COL25A1: variants seen among roughly 807,000 people sequenced by gnomAD.
COL25A1 encodes collagen alpha-1(XXV) chain.
Under a neutral mutation model 128.4 loss-of-function variants are expected in COL25A1, and 103 were observed. The ratio of observed to expected loss-of-function variants is 0.80; its 90% CI spans 0.68 to 0.94. The LOEUF (loss-of-function observed/expected upper bound fraction) is 0.94. Ranked by LOEUF, COL25A1 falls within the 40% of genes least tolerant of loss-of-function variation. The pLI is 0.00. For synonymous variants in COL25A1, 279 were observed against 277.2 expected (o/e 1.01, Z -0.06); for missense variants, 745 against 840.0 (o/e 0.89, Z 1.40).
At chr4:109,159,488 C>T (rs2704105) in intron 3 of COL25A1, among the ~76,000 whole-genome samples, 2 of 152,080 alleles carry the variant, frequency 1.3e-5, no homozygotes, top group South Asian at 4.1e-4. Context: ...CAGCACCACC[C>T]CTGTCCCACC....
intron 25 of COL25A1, 31 bp downstream of exon 25, chr4:108,852,871 C>A: frequency 6.3e-7 from 1 of 1,598,030 alleles, no homozygotes; most frequent in Admixed American, 1.7e-5. Flanking sequence ...TACAAAACCA[C>A]AAACCACAGA....
chr4:109,198,306 ACACAC>A (rs1776285667), intron 3 of COL25A1, among the ~76,000 whole-genome samples: 1 of 144,734 alleles, frequency 6.9e-6, no homozygotes, highest in East Asian at 1.9e-4. Flanking sequence ...ACACACACAC[ACACAC>A]ACACACACAC....
At chr4:109,184,695 G>C (rs1774978714) in intron 3 of COL25A1, among the ~76,000 whole-genome samples, 1 of 152,116 alleles carries the variant, frequency 6.6e-6, no homozygotes, top group African/African-American at 2.4e-5. Context: ...TAAAGGGAGA[G>C]ACTTCCTGAA....
At chr4:108,972,092 T>A (rs1186362369) in intron 8 of COL25A1, among the ~76,000 whole-genome samples, 1 of 152,102 alleles carries the variant, frequency 6.6e-6, no homozygotes, top group Non-Finnish European at 1.5e-5. Context: ...CTTCCAAATA[T>A]TCAAGAAAAT....
intron 3 of COL25A1, among the ~76,000 whole-genome samples, chr4:109,247,597 G>A (rs1780357945): frequency 6.6e-6 from 1 of 152,166 alleles, no homozygotes; most frequent in South Asian, 2.1e-4. Context: ...TCATAGGAAA[G>A]GAAGACCTGG....
chr4:109,137,766 G>T (rs1163397061), intron 3 of COL25A1, among the ~76,000 whole-genome samples: 1 of 152,022 alleles, frequency 6.6e-6, no homozygotes, highest in Non-Finnish European at 1.5e-5. Context: ...AATTTAGTAG[G>T]ATCTCAAAAA....
chr4:108,886,492 G>GTGTGTGTGTTTTTTTT lies in COL25A1; in HGVS notation c.976-2271_976-2270insAAAAAAAACACACACA, dbSNP rs58157157. ...TGTGTGTGTGTGTGTGTGTGTGTGT[G>GTGTGTGTGTTTTTTTT]TTTAGCTCATCAGCTATTTTATGTG... On this transcript the variant is annotated intron_variant, in intron 18 of 37. Transcript: ENST00000399132. Among the ~76,000 whole-genome samples, 5 of 109,270 alleles carry GTGTGTGTGTTTTTTTT rather than the reference G, an allele frequency of 4.6e-5. 1 individual carries two copies. The highest frequency in any genetic ancestry group is 2.7e-4 in the Admixed American group (3 of 11,128). The allele number at this position is 109,270 out of a possible 152,430, so 71.7% of individuals were successfully genotyped here.
chr4:109,070,053 G>A (rs1174263755), intron 3 of COL25A1, among the ~76,000 whole-genome samples: 2 of 150,388 alleles, frequency 1.3e-5, no homozygotes, highest in Admixed American at 6.6e-5. Context: ...TCAGGAGATC[G>A]GAACCAGCCT....
chr4:108,923,559 T>C (rs1016000302), intron 11 of COL25A1, among the ~76,000 whole-genome samples: 7 of 152,148 alleles, frequency 4.6e-5, no homozygotes, highest in African/African-American at 1.7e-4. Context: ...TTGCCCAGGC[T>C]GGTCTCAAAC....
chr4:109,157,817 G>A (rs1407247934), intron 3 of COL25A1, among the ~76,000 whole-genome samples: 6 of 152,168 alleles, frequency 3.9e-5, no homozygotes, highest in Non-Finnish European at 2.9e-5. Flanking sequence ...TCGCTGAAAC[G>A]AGACTCTAGG....
chr4:109,271,730 T>C (rs574772676), intron 3 of COL25A1, among the ~76,000 whole-genome samples: 1 of 152,346 alleles, frequency 6.6e-6, no homozygotes, highest in South Asian at 2.1e-4. Flanking sequence ...TGATTTTTCA[T>C]ACCAATGATT....
At chr4:109,005,292 C>T (rs1015048491) in intron 6 of COL25A1, among the ~76,000 whole-genome samples, 1 of 152,102 alleles carries the variant, frequency 6.6e-6, no homozygotes, top group Non-Finnish European at 1.5e-5. Context: ...AGAACAGCAC[C>T]AAGGTTGTGG....
chr4:109,170,742 A>G (rs1194954786), intron 3 of COL25A1, among the ~76,000 whole-genome samples: 1 of 152,144 alleles, frequency 6.6e-6, no homozygotes, highest in Non-Finnish European at 1.5e-5. Context: ...CTTGCAAACA[A>G]TCCTTTGCAG....
chr4:108,836,690 GATA>G (rs1310252322), intron 31 of COL25A1, among the ~76,000 whole-genome samples: 2 of 151,784 alleles, frequency 1.3e-5, no homozygotes, highest in Non-Finnish European at 2.9e-5. Flanking sequence ...ATTTTACACT[GATA>G]ATATTATATC....
At chr4:109,290,746 A>G (rs768853616) in intron 3 of COL25A1, among the ~76,000 whole-genome samples, 2 of 152,046 alleles carry the variant, frequency 1.3e-5, no homozygotes, top group Admixed American at 6.6e-5. Flanking sequence ...ATTAACATTA[A>G]TGATAGCCAA....
intron 5 of COL25A1, among the ~76,000 whole-genome samples, chr4:109,022,706 G>C (rs1757886929): frequency 6.6e-6 from 1 of 152,194 alleles, no homozygotes. Context: ...CATAGGGTAA[G>C]TGTGGATGAG....
chr4:109,091,277 C>T (rs757032964), intron 3 of COL25A1, among the ~76,000 whole-genome samples: 1 of 152,150 alleles, frequency 6.6e-6, no homozygotes, highest in Non-Finnish European at 1.5e-5. Flanking sequence ...TGCTTTTTCT[C>T]TCTGTGTTTG....
chr4:109,125,455 C>T (rs1768505927), intron 3 of COL25A1, among the ~76,000 whole-genome samples: 1 of 152,146 alleles, frequency 6.6e-6, no homozygotes, highest in Non-Finnish European at 1.5e-5. Flanking sequence ...CATGCTCACA[C>T]TGAACCAGCT....
chr4:109,239,114 T>C (rs1382666089), intron 3 of COL25A1, among the ~76,000 whole-genome samples: 1 of 151,972 alleles, frequency 6.6e-6, no homozygotes, highest in Non-Finnish European at 1.5e-5. Flanking sequence ...CATTCCATCA[T>C]TGCTAAAAGA....
Sources: allele counts gnomAD v4.1 joint callset (sites outside exome capture counted in the v4.1 genomes callset), GRCh38; gene constraint gnomAD v4.1.1; transcripts MANE v1.5; gene names NCBI Gene and HGNC (gene_info 2026-07-23, HGNC 2026-07-21).